Variants in DSG3 observed in about 807,000 individuals in gnomAD.
The protein encoded by DSG3 is desmoglein 3, also known as desmoglein-3.
In DSG3, 63 loss-of-function variants were observed where a neutral mutation model predicts 85.9. The ratio of observed to expected loss-of-function variants is 0.73; its 90% confidence interval spans 0.60 to 0.90. DSG3 has a LOEUF of 0.90. Among genes scored for constraint, DSG3 ranks in the 40% least tolerant of loss-of-function variants. DSG3 has a pLI of 0.00. For synonymous variants in DSG3, 447 were observed against 441.9 expected (o/e 1.01, Z -0.14); for missense variants, 1,220 against 1,219.9 (o/e 1.00, Z 0.00).
chr18:31,456,544 A>C, intron 2 of DSG3, 69 bp downstream of exon 2: 1 of 829,864 alleles, frequency 1.2e-6, no homozygotes, highest in Non-Finnish European at 1.7e-6. Flanking sequence ...AATTGTGTTT[A>C]GTAGAAATGA....
In DSG3 at chr18:31,456,485, G is replaced by A; in HGVS notation, c.84+10G>A. The A allele has an allele frequency of 3.0e-6, 4 of 1,321,364 alleles. No individual in the cohort carries two copies. In the East Asian group the frequency reaches 8.4e-5, roughly 28 times the overall value. The allele number at this position is 1,321,364 out of a possible 1,614,324, so 81.9% of individuals were successfully genotyped here. A position where few individuals can be genotyped will look rare whatever the true frequency, so the allele number is the denominator to read the frequency against. ...AGAATTGCGAATAGAGGTAAAGTAT[G>A]AAAAAGGTTTTTGTACTTAAAATAA... On this transcript the variant is annotated intron_variant, in intron 2 of 15. Coordinates refer to ENST00000257189, the MANE Select transcript of DSG3 (RefSeq NM_001944.3).
At position 31,472,769 on chromosome 18, in the gene DSG3, C is replaced by T; in HGVS notation, c.2082C>T (p.Ala694=). Residue 694 remains alanine (A), a synonymous_variant, in exon 14 of 16, where the codon GCC becomes GCT. Coordinates refer to ENST00000257189, the MANE Select transcript of DSG3 (RefSeq NM_001944.3). ...TGCCTCCTGTAACAGCCAATGGAGC[C>T]GATTTCATGGAAAGTTCTGGTAAGT... ...ICVPPVTANG[A]DFMESSEVCT... is the part of the protein sequence containing the mutation. 3 of 1,613,890 alleles carry T rather than the reference C, an allele frequency of 1.9e-6. No individual in the cohort carries two copies. The highest frequency in any genetic ancestry group is 2.5e-6 in the Non-Finnish European group (3 of 1,179,906).
At chr18:31,464,805 T>C (rs2072807336) in intron 9 of DSG3, among the ~76,000 whole-genome samples, 1 of 152,128 alleles carries the variant, frequency 6.6e-6, no homozygotes, top group Non-Finnish European at 1.5e-5. Flanking sequence ...AGAACACAGG[T>C]ATTTTATTTT....
At chr18:31,460,367 T>A (rs1369808955) in intron 6 of DSG3, among the ~76,000 whole-genome samples, 1 of 152,210 alleles carries the variant, frequency 6.6e-6, no homozygotes, top group Admixed American at 6.5e-5. Context: ...CTGTCTGGAA[T>A]AAAGCCTTCT....
At chr18:31,450,454 C>T (rs991114163) in intron 1 of DSG3, among the ~76,000 whole-genome samples, 5 of 152,198 alleles carry the variant, frequency 3.3e-5, no homozygotes, top group Admixed American at 6.5e-5. Flanking sequence ...AAGTGGGGAG[C>T]CACCCAGAGT....
chr18:31,475,891 C>T lies in DSG3; in HGVS notation c.2631C>T (p.Ser877=), dbSNP rs550246913. 4.3e-6 allele frequency: 7 copies of T among 1,614,122 alleles called. No homozygotes were observed. Among genetic ancestry groups the T allele is most frequent in the African/African-American group, 2.7e-5 (2 of 75,016 alleles). ...GKEVQPPSKD[S]GYGIESCGHP... ...AAGTTCAGCCACCCTCTAAAGACAG[C>T]GGTTATGGGATTGAATCCTGTGGCC... Residue 877 remains serine, a synonymous_variant, in exon 16 of 16, where the codon AGC becomes AGT. Transcript: ENST00000257189.
chr18:31,466,975 G>A (rs2072825198), intron 11 of DSG3, among the ~76,000 whole-genome samples: 1 of 152,136 alleles, frequency 6.6e-6, no homozygotes, highest in South Asian at 2.1e-4. Flanking sequence ...ATCCTTTTTA[G>A]GGTTCGTTTG....
intron 1 of DSG3, among the ~76,000 whole-genome samples, chr18:31,451,397 A>G (rs1340912187): frequency 6.6e-6 from 1 of 152,232 alleles, no homozygotes; most frequent in Non-Finnish European, 1.5e-5. Context: ...ATTTTTTTAA[A>G]GAAGTTGGTG....
chr18:31,473,755 G>A (rs144186224), intron 14 of DSG3, among the ~76,000 whole-genome samples: 72 of 152,256 alleles, frequency 4.7e-4, no homozygotes, highest in African/African-American at 1.7e-3. Flanking sequence ...TCCATACTGA[G>A]CTCATAGGAC....
At chr18:31,450,098 T>A (rs909796553) in intron 1 of DSG3, among the ~76,000 whole-genome samples, 3 of 152,216 alleles carry the variant, frequency 2.0e-5, no homozygotes, top group African/African-American at 7.2e-5. Context: ...TTATATGTGG[T>A]TCGCATTTGT....
intron 11 of DSG3, among the ~76,000 whole-genome samples, chr18:31,468,693 G>A (rs1408713341): frequency 6.6e-6 from 1 of 152,206 alleles, no homozygotes; most frequent in Non-Finnish European, 1.5e-5. Flanking sequence ...CAAAGCTCAT[G>A]TGTTGAAAAC....
chr18:31,469,448 C>A, intron 12 of DSG3, 99 bp downstream of exon 12: 1 of 1,488,648 alleles, frequency 6.7e-7, no homozygotes, highest in East Asian at 2.3e-5. Flanking sequence ...AAAGAATATT[C>A]TCTGATGTTT....
At chr18:31,473,725 C>T (rs1020153941) in intron 14 of DSG3, among the ~76,000 whole-genome samples, 8 of 152,304 alleles carry the variant, frequency 5.3e-5, no homozygotes, top group African/African-American at 9.6e-5. Context: ...GATTACATTA[C>T]GTATGTTTCC....
chr18:31,456,883 C>T, intron 2 of DSG3, 110 bp from the exon 3 acceptor site: 1 of 1,098,976 alleles, frequency 9.1e-7, no homozygotes, highest in Non-Finnish European at 1.3e-6. Context: ...ACCTAACAGT[C>T]TTAGTGATCT....
intron 4 of DSG3, 109 bp downstream of exon 4, chr18:31,458,709 A>C (rs933024953): frequency 5.6e-6 from 7 of 1,244,290 alleles, no homozygotes; most frequent in African/African-American, 1.5e-5. Flanking sequence ...TACATGCATC[A>C]GTCCACCAGC....
chr18:31,457,336 C>T (rs2072748549), intron 3 of DSG3, among the ~76,000 whole-genome samples: 1 of 151,836 alleles, frequency 6.6e-6, no homozygotes, highest in African/African-American at 2.4e-5. Flanking sequence ...AGAATTGAGA[C>T]AAAGAATTGA....
chr18:31,475,923 T>C lies in DSG3; in HGVS notation c.2663T>C (p.Ile888Thr), dbSNP rs779969140. 5 of 1,614,090 alleles carry C rather than the reference T, an allele frequency of 3.1e-6. No individual in the cohort carries two copies. In the African/African-American group the frequency reaches 4.0e-5, roughly 13 times the overall value. The change falls in exon 16 of 16, where the codon ATA becomes ACA. Residue 888 changes from isoleucine to threonine, a missense_variant. By Grantham distance (89) the Ile-to-Thr change is moderately conservative (BLOSUM62 -1). Transcript: ENST00000257189. Reference protein sequence around the residue: ...GYGIESCGHPIEVQQTGFVKC... With the variant: ...GYGIESCGHPTEVQQTGFVKC... ...GGGATTGAATCCTGTGGCCATCCCA[T>C]AGAAGTCCAGCAGACAGGATTTGTT... is the stretch of plus-strand genomic sequence containing the variant.
rs775609202 is a variant in DSG3 at position 31,469,360 on chromosome 18, A to T, written c.1897+11A>T. On this transcript the variant is annotated intron_variant, in intron 12 of 15. Coordinates refer to ENST00000257189, the MANE Select transcript of DSG3 (RefSeq NM_001944.3). The stretch of plus-strand genomic sequence containing the variant: ...TCCTGCTGCTGCTGTGTGAGTAGCC[A>T]ATGTTTCATTCTCTGTTGGACCAGG... 1.1e-5 allele frequency: 18 copies of T among 1,611,898 alleles called. No homozygotes were observed. Among genetic ancestry groups the T allele is most frequent in the Non-Finnish European group, 1.5e-5 (18 of 1,179,800 alleles).
rs1465717753 is a variant in DSG3, at chr18:31,469,286, C to A, written c.1834C>A (p.His612Asn). 1 of 1,614,022 alleles carries A rather than the reference C, an allele frequency of 6.2e-7. No individual in the cohort carries two copies. The highest frequency in any genetic ancestry group is 1.3e-5 in the African/African-American group (1 of 75,068). The stretch of plus-strand genomic sequence containing the variant: ...CCCTGGGACCAGGTATGGCAGGCCG[C>A]ACTCAGGGAGGCTGGGGCCTGCCGC... ...TSPGTRYGRP[H>N]SGRLGPAAIG... The change falls in exon 12 of 16, where the codon CAC becomes AAC. Residue 612 changes from histidine to asparagine, a missense_variant. His to Asn is a moderately conservative substitution (Grantham distance 68). Transcript: ENST00000257189.
Sources: gnomAD v4.1 joint callset for allele counts (sites outside exome capture counted in the v4.1 genomes callset) on GRCh38, gnomAD v4.1.1 for gene constraint, MANE v1.5 for transcripts, NCBI Gene and HGNC (gene_info 2026-07-23, HGNC 2026-07-21) for gene names.